Variants in FGF14 observed in about 807,000 individuals in gnomAD.
FGF14 encodes fibroblast growth factor homologous factor 4.
FGF14 carries 5 observed loss-of-function variants against 25.5 expected under a neutral mutation model. The observed-to-expected ratio is 0.20, with a 90% CI of 0.10 to 0.41. FGF14 has a LOEUF of 0.41. Ranked by LOEUF, FGF14 falls within the 10% of genes least tolerant of loss-of-function variation. The pLI is 1.00. For missense variants in FGF14, 222 were observed against 320.1 expected, an observed-to-expected ratio of 0.69 and a Z score of 2.34; for synonymous variants, 138 against 118.3, an observed-to-expected ratio of 1.17 and a Z score of -1.08.
At chr13:102,192,024 C>T (rs2140829438) in intron 1 of FGF14, among the ~76,000 whole-genome samples, 1 of 152,308 alleles carries the variant, frequency 6.6e-6, no homozygotes, top group East Asian at 1.9e-4. Flanking sequence ...TCTAGACCTA[C>T]AGGGATAGTG....
At chr13:102,398,752 C>G (rs186329133) in intron 1 of FGF14, among the ~76,000 whole-genome samples, 1 of 151,764 alleles carries the variant, frequency 6.6e-6, no homozygotes, top group Non-Finnish European at 1.5e-5. Flanking sequence ...GAGAATGGAA[C>G]TCACGAAGTA....
intron 1 of FGF14, among the ~76,000 whole-genome samples, chr13:102,014,355 C>T (rs1007037313): frequency 6.6e-6 from 1 of 152,030 alleles, no homozygotes; most frequent in African/African-American, 2.4e-5. Context: ...CTATAATATT[C>T]AGTATAATTT....
chr13:102,002,844 A>G (rs2039572738), intron 1 of FGF14: 2 of 152,276 alleles, frequency 1.3e-5, no homozygotes, highest in Middle Eastern at 6.8e-3. Flanking sequence ...TCTGCTTATC[A>G]TCAAATTGAT....
chr13:102,073,685 G>A (rs1048123451), intron 1 of FGF14, among the ~76,000 whole-genome samples: 3 of 152,082 alleles, frequency 2.0e-5, no homozygotes, highest in Non-Finnish European at 4.4e-5. Flanking sequence ...TGCTAACTGG[G>A]AAAAAGCAAT....
intron 1 of FGF14, among the ~76,000 whole-genome samples, chr13:101,972,955 C>G (rs1027674492): frequency 2.6e-5 from 4 of 152,110 alleles, no homozygotes; most frequent in Admixed American, 2.6e-4. Context: ...GAAGAATTGA[C>G]AAACAGGAGG....
chr13:101,766,273 G>A (rs2038388598), intron 3 of FGF14, among the ~76,000 whole-genome samples: 1 of 152,104 alleles, frequency 6.6e-6, no homozygotes, highest in African/African-American at 2.4e-5. Flanking sequence ...TCCTCATGAT[G>A]TCCATGGAGG....
At chr13:101,797,772 T>TGTGTGTGTGTGTGTGC (rs1555384576) in intron 3 of FGF14, among the ~76,000 whole-genome samples, 1,730 of 145,648 alleles carry the variant, frequency 0.012, 51 homozygotes, top group Middle Eastern at 0.024. Flanking sequence ...TGTGTGTGTG[T>TGTGTGTGTGTGTGTGC]GTGTGTGTGT....
chr13:102,096,001 G>GTGTA (rs143224591), intron 1 of FGF14, among the ~76,000 whole-genome samples: 17,431 of 134,808 alleles, frequency 0.13, 1,387 homozygotes, highest in South Asian at 0.25. Flanking sequence ...GTGTGTGTGT[G>GTGTA]TATATATATA....
At chr13:101,890,013 G>C (rs1341494723) in intron 1 of FGF14, among the ~76,000 whole-genome samples, 1 of 152,094 alleles carries the variant, frequency 6.6e-6, no homozygotes, top group Admixed American at 6.6e-5. Context: ...CAGTCTTTGT[G>C]TTCCCTAATT....
intron 1 of FGF14, among the ~76,000 whole-genome samples, chr13:102,167,820 G>A (rs575250855): frequency 4.8e-5 from 7 of 146,182 alleles, no homozygotes; most frequent in East Asian, 2.0e-4. Flanking sequence ...AAGAAATATC[G>A]TTTGAAAGAT....
chr13:102,308,089 C>A (rs1442909952), intron 1 of FGF14, among the ~76,000 whole-genome samples: 1 of 152,174 alleles, frequency 6.6e-6, no homozygotes, highest in Non-Finnish European at 1.5e-5. Context: ...CTGGCATCAA[C>A]AATGTGTGGC....
chr13:102,188,952 G>A (rs1187738726), intron 1 of FGF14, among the ~76,000 whole-genome samples: 1 of 43,332 alleles, frequency 2.3e-5, no homozygotes, highest in Non-Finnish European at 4.5e-5. Context: ...AGGAGAGAAA[G>A]AAAGAAAGAA....
chr13:102,359,936 A>C (rs903736585), intron 1 of FGF14, among the ~76,000 whole-genome samples: 5 of 152,084 alleles, frequency 3.3e-5, no homozygotes, highest in African/African-American at 1.2e-4. Context: ...ACAGAAGGAA[A>C]TCTTATAGTA....
chr13:102,298,756 G>C (rs960137728), intron 1 of FGF14, among the ~76,000 whole-genome samples: 1 of 152,168 alleles, frequency 6.6e-6, no homozygotes, highest in Non-Finnish European at 1.5e-5. Context: ...AGTGCCACAT[G>C]AAAGCTGGAG....
chr13:101,962,036 G>A (rs560947247), intron 1 of FGF14, among the ~76,000 whole-genome samples: 2 of 150,242 alleles, frequency 1.3e-5, no homozygotes, highest in South Asian at 2.1e-4. Context: ...GGATTGTCTT[G>A]TTTATACAGG....
intron 1 of FGF14, among the ~76,000 whole-genome samples, chr13:101,963,095 C>T (rs1206129298): frequency 6.6e-6 from 1 of 152,228 alleles, no homozygotes; most frequent in Non-Finnish European, 1.5e-5. Flanking sequence ...TCATGCCATT[C>T]AATCCTGTTC....
At chr13:102,106,623 A>C (rs2044932808) in intron 1 of FGF14, among the ~76,000 whole-genome samples, 1 of 151,804 alleles carries the variant, frequency 6.6e-6, no homozygotes, top group African/African-American at 2.4e-5. Flanking sequence ...AAAGAAAGAA[A>C]GAGAGAGAGA....
At position 101,762,514 on chromosome 13, in the gene FGF14, G is replaced by A. The variant is rs1161976770; in HGVS notation, c.409-35704C>T. On this transcript the variant is annotated intron_variant, in intron 3 of 4. Transcript: ENST00000376143. ...TGAGCTATCCATTGAAAGACTAACA[G>A]GAAATATATACTTAGGTAATACATA... 2.0e-5 allele frequency among the ~76,000 whole-genome samples: 3 copies of A among 152,120 alleles called. No individual in the cohort carries two copies. In the East Asian group the frequency reaches 5.8e-4, roughly 29 times the overall value.
rs369078573 is a variant in FGF14 at position 101,937,544 on chromosome 13, G to A, written c.209-62248C>T. ...AATCAACCTTACTGACACCTTGACC[G>A]TGGACTGCTAGCATCCAGATCTATG... is the stretch of plus-strand genomic sequence containing the variant. On this transcript the variant is annotated intron_variant, in intron 1 of 4. Coordinates refer to the FGF14 transcript ENST00000376131. Among the ~76,000 whole-genome samples the A allele has an allele frequency of 4.6e-5, 7 of 152,272 alleles. No individual in the cohort carries two copies. The East Asian group carries it at 5.8e-4, about 13-fold the overall frequency.
Sources: allele counts gnomAD v4.1 joint callset (sites outside exome capture counted in the v4.1 genomes callset), GRCh38; gene constraint gnomAD v4.1.1; transcripts MANE v1.5; gene names NCBI Gene and HGNC (gene_info 2026-07-23, HGNC 2026-07-21).